RB1: variants seen among roughly 807,000 people sequenced by gnomAD.
The protein encoded by RB1 is retinoblastoma-associated protein.
RB1 carries 18 observed loss-of-function variants against 135.4 expected under a neutral mutation model. The observed-to-expected ratio is 0.13, with a 90% CI of 0.09 to 0.20. The LOEUF is 0.20. Among genes scored for constraint, RB1 ranks in the 10% least tolerant of loss-of-function variants. RB1 has a pLI of 1.00. For synonymous variants in RB1, 365 were observed against 373.2 expected, an observed-to-expected ratio of 0.98 and a Z score of 0.25; for missense variants, 868 against 1,110.0, an observed-to-expected ratio of 0.78 and a Z score of 3.10.
Position 48,388,162 on chromosome 13 carries a change from G to A in RB1, c.1695+6719G>A, listed in dbSNP as rs955558312. 5.9e-5 allele frequency among the ~76,000 whole-genome samples: 9 copies of A among 152,132 alleles called. No individual in the cohort carries two copies. The South Asian group carries it at 1.7e-3, about 28-fold the overall frequency. ...ATGTAAAGTACTTAAAACAATATCT[G>A]ACATTGTATTATAAAATGTAGCAGT... On this transcript the variant is annotated intron_variant, in intron 17 of 26. Transcript: ENST00000267163.
chr13:48,364,440 C>G (rs1243990648), intron 8 of RB1, among the ~76,000 whole-genome samples: 1 of 152,068 alleles, frequency 6.6e-6, no homozygotes, highest in African/African-American at 2.4e-5. Context: ...TACAATTTTC[C>G]TAATATTTTC....
At chr13:48,430,362 G>T (rs1480874067) in intron 17 of RB1, among the ~76,000 whole-genome samples, 1 of 152,078 alleles carries the variant, frequency 6.6e-6, no homozygotes, top group Non-Finnish European at 1.5e-5. Flanking sequence ...ATAAATTCTA[G>T]CTAGATCAAT....
intron 17 of RB1, among the ~76,000 whole-genome samples, chr13:48,449,757 G>A (rs996909754): frequency 6.6e-6 from 1 of 152,158 alleles, no homozygotes; most frequent in African/African-American, 2.4e-5. Flanking sequence ...AAAGGTTTAT[G>A]TCTTTTAAAA....
At chr13:48,394,464 T>G (rs913566566) in intron 17 of RB1, among the ~76,000 whole-genome samples, 3 of 152,172 alleles carry the variant, frequency 2.0e-5, no homozygotes, top group African/African-American at 7.2e-5. Context: ...CCTCAGCGGA[T>G]CCCACCCCCA....
chr13:48,331,210 A>C (rs1319969356), intron 2 of RB1, among the ~76,000 whole-genome samples: 2 of 152,242 alleles, frequency 1.3e-5, no homozygotes, highest in Non-Finnish European at 2.9e-5. Context: ...CTTTTCCTTT[A>C]AGATCAGGAT....
chr13:48,404,322 T>A (rs951113760), intron 17 of RB1: 2 of 152,140 alleles, frequency 1.3e-5, no homozygotes, highest in Non-Finnish European at 2.9e-5. Flanking sequence ...AACAAAGTAT[T>A]GTACTGGTAG....
At chr13:48,452,891 TAAAA>T (rs1363189735) in intron 17 of RB1, 98 bp from the exon 18 acceptor site, 1 of 1,524,996 alleles carries the variant, frequency 6.6e-7, no homozygotes, top group African/African-American at 1.4e-5. Context: ...CAATTGTGCC[TAAAA>T]TTCATAGTAC....
At chr13:48,390,469 A>G (rs2138157967) in intron 17 of RB1, among the ~76,000 whole-genome samples, 1 of 152,312 alleles carries the variant, frequency 6.6e-6, no homozygotes, top group South Asian at 2.1e-4. Flanking sequence ...GCAAGGAGGA[A>G]TGTGACTGAA....
chr13:48,413,908 T>G (rs1372105310), intron 17 of RB1, among the ~76,000 whole-genome samples: 1 of 152,218 alleles, frequency 6.6e-6, no homozygotes, highest in Non-Finnish European at 1.5e-5. Context: ...GGCAAAATTT[T>G]AGGTTCATAG....
At chr13:48,308,196 T>C (rs901002740) in intron 2 of RB1, among the ~76,000 whole-genome samples, 11 of 151,166 alleles carry the variant, frequency 7.3e-5, no homozygotes, top group African/African-American at 2.7e-4. Context: ...GTATAAGAAT[T>C]TTACATAGCC....
intron 17 of RB1, among the ~76,000 whole-genome samples, chr13:48,395,926 A>G (rs1948644571): frequency 6.6e-6 from 1 of 152,158 alleles, no homozygotes; most frequent in Admixed American, 6.5e-5. Flanking sequence ...AGGACATATA[A>G]TCGTCAGATT....
rs2138354561 is a variant in RB1 at position 48,473,352 on chromosome 13, C to T, written c.2490-8C>T. ...ATTACTAATTGGTATTTCATCTTAA[C>T]TTGACAGAATCTTAGTATCAATTGG... On this transcript the variant is annotated splice_region_variant and splice_polypyrimidine_tract_variant and intron_variant, in intron 23 of 26. Coordinates refer to ENST00000267163, the MANE Select transcript of RB1 (RefSeq NM_000321.3). The T allele has an allele frequency of 6.4e-7, 1 of 1,573,622 alleles. No homozygotes were observed. Among genetic ancestry groups the T allele is most frequent in the Non-Finnish European group, 8.7e-7 (1 of 1,144,886 alleles).
chr13:48,333,519 T>A (rs551136439), intron 2 of RB1, among the ~76,000 whole-genome samples: 1 of 152,210 alleles, frequency 6.6e-6, no homozygotes, highest in East Asian at 1.9e-4. Flanking sequence ...AGAAACTTAG[T>A]TCTAGGTAGG....
Position 48,375,411 on chromosome 13 carries a change from A to G in RB1, c.1216-1507A>G, listed in dbSNP as rs911056694. ...AGAAGCTATGAACATTTTAATGGAC[A>G]TTTTGGCAACAATTCTTTTATGACA... On this transcript the variant is annotated intron_variant, in intron 12 of 26. Transcript: ENST00000267163. Among the ~76,000 whole-genome samples the G allele has an allele frequency of 4.0e-5, 6 of 150,762 alleles. No individual in the cohort carries two copies. In the East Asian group the frequency reaches 5.8e-4, roughly 15 times the overall value.
intron 17 of RB1, among the ~76,000 whole-genome samples, chr13:48,451,627 G>T (rs140497446): frequency 3.3e-5 from 5 of 152,062 alleles, no homozygotes. Context: ...GATGATGCTG[G>T]CCTCATAAAA....
chr13:48,478,955 G>A (rs929490520), intron 26 of RB1, among the ~76,000 whole-genome samples: 3 of 152,146 alleles, frequency 2.0e-5, no homozygotes, highest in African/African-American at 7.2e-5. Flanking sequence ...GGGTAGGCAT[G>A]ATGGCTTATG....
chr13:48,448,997 CT>C (rs914772097), intron 17 of RB1, among the ~76,000 whole-genome samples: 2 of 151,754 alleles, frequency 1.3e-5, no homozygotes, highest in African/African-American at 4.8e-5. Flanking sequence ...GTTCTTCATG[CT>C]TTTTTTTATT....
Position 48,319,080 on chromosome 13 carries a change from G to A in RB1, c.264+11674G>A. ...GACGTGTCTGCCTGGCACGAGGACC[G>A]TTCTACAAACTCGTTCCTGGAAGCC... On this transcript the variant is annotated intron_variant, in intron 2 of 26. Coordinates refer to ENST00000267163, the MANE Select transcript of RB1 (RefSeq NM_000321.3). The surrounding 1 kb of genome is among the most constrained non-coding windows in gnomAD (Gnocchi z 5.0). The A allele has an allele frequency of 8.1e-6, 5 of 614,962 alleles. No homozygotes were observed. Among genetic ancestry groups the A allele is most frequent in the South Asian group, 4.5e-5 (3 of 66,250 alleles). The allele number at this position is 614,962 out of a possible 1,614,324, so 38.1% of individuals were successfully genotyped here.
intron 10 of RB1, 22 bp from the exon 11 acceptor site, chr13:48,368,505 G>A: frequency 6.2e-7 from 1 of 1,612,276 alleles, no homozygotes. Flanking sequence ...GTATGTGAAT[G>A]ACTTCACTTA....
Sources: gnomAD v4.1 joint callset for allele counts (sites outside exome capture counted in the v4.1 genomes callset) on GRCh38, gnomAD v4.1.1 for gene constraint, Gnocchi (gnomAD v3.1) non-coding constraint, MANE v1.5 for transcripts, NCBI Gene and HGNC (gene_info 2026-07-23, HGNC 2026-07-21) for gene names.